The following ZNF782 variants were observed in gnomAD, a reference collection of about 807,000 sequenced individuals.
ZNF782 encodes the protein zinc finger protein 782.
Under a neutral mutation model 13.0 loss-of-function variants are expected in ZNF782, and 12 were observed. The observed-to-expected ratio is 0.92, with a 90% confidence interval of 0.59 to 1.50. The LOEUF is 1.50. ZNF782 is among the 40% of genes most tolerant of loss of function. ZNF782 has a pLI of 0.00. For synonymous variants in ZNF782, 284 were observed against 283.0 expected (o/e 1.00, Z -0.04); for missense variants, 770 against 822.9 (o/e 0.94, Z 0.79).
upstream of ZNF782, among the ~76,000 whole-genome samples, chr9:96,858,350 A>C (rs1268008289): frequency 6.6e-6 from 1 of 152,070 alleles, no homozygotes; most frequent in African/African-American, 2.4e-5. This position sits in a 1 kb window ranked among gnomAD's most constrained non-coding sequence, Gnocchi z 4.4. Flanking sequence ...TGCTCACCTC[A>C]CTCAAGAGCT....
intron 4 of ZNF782, among the ~76,000 whole-genome samples, chr9:96,832,514 C>T (rs571129495): frequency 5.3e-5 from 8 of 152,242 alleles, no homozygotes; most frequent in South Asian, 2.1e-4. Flanking sequence ...TCCATTCTTT[C>T]GGGGTAGGTA....
intron 1 of ZNF782, among the ~76,000 whole-genome samples, chr9:96,866,729 G>A (rs964109205): frequency 2.0e-5 from 3 of 152,174 alleles, no homozygotes; most frequent in African/African-American, 7.2e-5. Flanking sequence ...AGGAGGGGGG[G>A]TTATACCCTG....
At chr9:96,820,770 G>A (rs780097630) in intron 5 of ZNF782, among the ~76,000 whole-genome samples, 31 of 152,030 alleles carry the variant, frequency 2.0e-4, no homozygotes, top group East Asian at 3.9e-4. Flanking sequence ...GGCTGGTCTC[G>A]AACTCCTGAT....
At position 96,854,094 on chromosome 9, in the gene ZNF782, T is replaced by C. The variant is rs982214500; in HGVS notation, c.-268A>G. On this transcript the variant is annotated 5_prime_UTR_variant, in exon 1 of 6. Coordinates refer to ENST00000481138, the MANE Select transcript of ZNF782 (RefSeq NM_001001662.3). ...TGACAGAGATGGAACTTACCCGGGT[T>C]TTTCCAGCTCCAGAGCTCGGGGTCT... The C allele has an allele frequency of 3.3e-5, 5 of 152,018 alleles. No homozygotes were observed. Among genetic ancestry groups the C allele is most frequent in the African/African-American group, 1.2e-4 (5 of 41,366 alleles). The allele number at this position is 152,018 out of a possible 1,614,324, so 9.4% of individuals were successfully genotyped here.
upstream of ZNF782, among the ~76,000 whole-genome samples, chr9:96,878,293 G>A (rs1047958427): frequency 6.6e-6 from 1 of 152,266 alleles, no homozygotes; most frequent in South Asian, 2.1e-4. Context: ...CAGGTGATCC[G>A]CCTGTCTTGG....
rs201104231 is a variant in ZNF782 at position 96,819,559 on chromosome 9, C to T, written c.464G>A (p.Cys155Tyr). The T allele has an allele frequency of 1.1e-5, 18 of 1,612,480 alleles. No individual in the cohort carries two copies. The highest frequency in any genetic ancestry group is 1.5e-5 in the Non-Finnish European group (18 of 1,179,508). ...ATGAGCCTTTTCTTTTGAATACTGA[C>T]AGTGTGGGGCCATCAGGCTGAGCCC... ...CQGLSLMAPH[C>Y]QYSKEKAHER... is the part of the protein sequence containing the mutation. Residue 155 changes from cysteine (C) to tyrosine (Y), a missense_variant, in exon 6 of 6, where the codon TGT (cysteine) becomes TAT (tyrosine). Cys to Tyr is a radical substitution (Grantham distance 194). Transcript: ENST00000481138.
At chr9:96,921,099 T>C in the ZNF782 span, among the ~76,000 whole-genome samples, 10 of 147,340 alleles carry the variant, frequency 6.8e-5, 1 homozygote, top group Non-Finnish European at 1.0e-4. Flanking sequence ...TTGTAGCATA[T>C]GTAAAGTTTT....
chr9:96,855,177 T>C (rs1314253717), upstream of ZNF782, among the ~76,000 whole-genome samples: 2 of 152,234 alleles, frequency 1.3e-5, no homozygotes, highest in Non-Finnish European at 2.9e-5. Context: ...ATTCTCTTAT[T>C]GATTCAACAT....
rs560677503 is a variant in ZNF782 at position 96,866,521 on chromosome 9, A to C, written c.-456-4918T>G. On this transcript the variant is annotated intron_variant, in intron 1 of 5. Transcript: ENST00000498811. ...AGTTTGCTGCTGGGGTGGGGCCCTC[A>C]TGGAGAACCTCTGCTAGGGCAGTGT... Among the ~76,000 whole-genome samples, 10 of 152,338 alleles carry C rather than the reference A, an allele frequency of 6.6e-5. No homozygotes were observed. The East Asian group carries it at 1.9e-3, about 29-fold the overall frequency.
At chr9:96,824,034 G>A (rs980492831) in intron 5 of ZNF782, among the ~76,000 whole-genome samples, 28 of 152,132 alleles carry the variant, frequency 1.8e-4, no homozygotes, top group Non-Finnish European at 3.8e-4. Flanking sequence ...AAAAGAGGGA[G>A]TCCTCCCTAA....
At chr9:96,852,372 G>C (rs1851521405) in intron 2 of ZNF782, among the ~76,000 whole-genome samples, 1 of 152,226 alleles carries the variant, frequency 6.6e-6, no homozygotes, top group South Asian at 2.1e-4. Context: ...AGGTACTGTG[G>C]TTCAAGCCTG....
rs1851603940 is a variant in ZNF782 at position 96,854,438 on chromosome 9, A to G, written c.-612T>C. 6.6e-6 allele frequency: 1 copy of G among 151,276 alleles called. No individual in the cohort carries two copies. Among genetic ancestry groups the G allele is most frequent in the Non-Finnish European group, 1.5e-5 (1 of 67,846 alleles). 9.4% of individuals were successfully genotyped at this position (151,276 alleles called of 1,614,324 possible). ...CTCCCGCCCCAGCTGCGCCCCCTCT[A>G]CTTTCCGAGCCGACCCCCGAGCTTC... On this transcript the variant is annotated 5_prime_UTR_variant, in exon 1 of 6. Transcript: ENST00000481138.
chr9:96,915,153 A>G, the ZNF782 span, among the ~76,000 whole-genome samples: 3 of 151,716 alleles, frequency 2.0e-5, no homozygotes, highest in African/African-American at 4.9e-5. Context: ...TAGGTATCCA[A>G]TATAATAAAT....
At chr9:96,829,229 A>G (rs1850723481) in intron 4 of ZNF782, among the ~76,000 whole-genome samples, 1 of 152,016 alleles carries the variant, frequency 6.6e-6, no homozygotes, top group South Asian at 2.1e-4. Flanking sequence ...AAAGAGCACC[A>G]TAAACTGGAA....
chr9:96,859,703 T>C (rs756192411), intron 3 of ZNF782, among the ~76,000 whole-genome samples: 16 of 152,152 alleles, frequency 1.1e-4, no homozygotes, highest in Non-Finnish European at 2.2e-4. Context: ...CCAGCTGTGG[T>C]GTCTGTGAGG....
chr9:96,861,916 C>G (rs1290482351), intron 1 of ZNF782, among the ~76,000 whole-genome samples: 1 of 152,098 alleles, frequency 6.6e-6, no homozygotes, highest in Admixed American at 6.5e-5. Flanking sequence ...TGGGTATATA[C>G]CTAAGAGAAA....
intron 2 of ZNF782, among the ~76,000 whole-genome samples, chr9:96,860,741 C>T (rs1851693644): frequency 6.6e-6 from 1 of 152,120 alleles, no homozygotes; most frequent in African/African-American, 2.4e-5. Context: ...TAAAAACAGA[C>T]ACATAGACCA....
rs1430922392 is a variant in ZNF782 at position 96,817,933 on chromosome 9, G to T, written c.2090C>A (p.Pro697Gln). 2 of 1,563,848 alleles carry T rather than the reference G, an allele frequency of 1.3e-6. No homozygotes were observed. Among genetic ancestry groups the T allele is most frequent in the Admixed American group, 2.0e-5 (1 of 49,512 alleles). The change falls in exon 6 of 6, where the codon CCA becomes CAA. Residue 697 changes from proline to glutamine, a missense_variant. Pro to Gln is a moderately conservative substitution (Grantham distance 76). Coordinates refer to ENST00000481138, the MANE Select transcript of ZNF782 (RefSeq NM_001001662.3). Reference sequence around the variant, plus strand: ...TTTATATGCATACATTTAATCCCCTGGGTGGGCTTTCTGATGTTCTCTAAG... The same window carrying T: ...TTTATATGCATACATTTAATCCCCTTGGTGGGCTTTCTGATGTTCTCTAAG... Reference protein sequence around the residue: ...SSLREHQKAHPGD With the variant: ...SSLREHQKAHQGD
At chr9:96,885,555 A>G in the ZNF782 span, among the ~76,000 whole-genome samples, 3 of 152,276 alleles carry the variant, frequency 2.0e-5, no homozygotes, top group East Asian at 5.8e-4. Context: ...TAGGAGAGAG[A>G]GGCACTGAAA....
Sources: allele counts gnomAD v4.1 joint callset (sites outside exome capture counted in the v4.1 genomes callset), GRCh38; gene constraint gnomAD v4.1.1; non-coding constraint Gnocchi (gnomAD v3.1); transcripts MANE v1.5; gene names NCBI Gene and HGNC (gene_info 2026-07-23, HGNC 2026-07-21).